The following RTN3 variants were observed in gnomAD, a reference collection of about 807,000 sequenced individuals.
The protein encoded by RTN3 is reticulon 3.
RTN3 carries 49 observed loss-of-function variants against 77.8 expected under a neutral mutation model. That is an observed-to-expected ratio of 0.63 (90% confidence interval 0.50 to 0.80). RTN3 has a LOEUF of 0.80. Among genes scored for constraint, RTN3 ranks in the 30% least tolerant of loss-of-function variants. RTN3 has a pLI of 0.00. For missense variants in RTN3, 1,236 were observed against 1,211.9 expected (o/e 1.02, Z -0.29); for synonymous variants, 464 against 446.9 (o/e 1.04, Z -0.48).
At chr11:63,728,780 A>G (rs1434473405) in intron 3 of RTN3, among the ~76,000 whole-genome samples, 1 of 151,724 alleles carries the variant, frequency 6.6e-6, no homozygotes, top group Non-Finnish European at 1.5e-5. Context: ...CCAGCTACCC[A>G]GGAGGCTGAG....
At chr11:63,695,037 A>C (rs187542948) in intron 1 of RTN3, among the ~76,000 whole-genome samples, 45 of 152,332 alleles carry the variant, frequency 3.0e-4, no homozygotes, top group Admixed American at 2.5e-3. Flanking sequence ...TACTCAGTCT[A>C]GTTTTGAAAT....
In RTN3 at chr11:63,719,957, C is replaced by T; in HGVS notation, c.1455C>T (p.Ser485=). Residue 485 remains serine, a synonymous_variant, in exon 3 of 9, where the codon AGC becomes AGT. Transcript: ENST00000377819. ...DHLKDEMDWQ[S]SALGEITEAD... ...TGAAAGATGAAATGGACTGGCAGAG[C>T]TCTGCATTGGGAGAAATCACAGAAG... 1 of 1,614,150 alleles carries T rather than the reference C, an allele frequency of 6.2e-7. No individual in the cohort carries two copies.
At position 63,719,626 on chromosome 11, in the gene RTN3, C is replaced by T. The variant is rs1187448149; in HGVS notation, c.1124C>T (p.Pro375Leu). 1.2e-6 allele frequency: 2 copies of T among 1,613,580 alleles called. No individual in the cohort carries two copies. The highest frequency in any genetic ancestry group is 1.7e-6 in the Non-Finnish European group (2 of 1,179,916). ...ATGAGTGAATATAATTCAGAAATTCCAGTTGTAAATCTTAAAACTAGCACT... is the reference window on the plus strand; with the variant it reads ...ATGAGTGAATATAATTCAGAAATTCTAGTTGTAAATCTTAAAACTAGCACT... ...LDMSEYNSEI[P>L]VVNLKTSTHQ... Residue 375 changes from proline (P) to leucine (L), a missense_variant, in exon 3 of 9, where the codon CCA becomes CTA. Transcript: ENST00000377819.
At position 63,681,530 on chromosome 11, in the gene RTN3, G is replaced by A. The variant is rs1370978496; in HGVS notation, c.-107G>A. The A allele has an allele frequency of 3.4e-6, 4 of 1,169,810 alleles. No homozygotes were observed. Among genetic ancestry groups the A allele is most frequent in the East Asian group, 2.7e-5 (1 of 36,528 alleles). The allele number at this position is 1,169,810 out of a possible 1,614,324, so 72.5% of individuals were successfully genotyped here. A position where few individuals can be genotyped will look rare whatever the true frequency, so the allele number is the denominator to read the frequency against. On this transcript the variant is annotated 5_prime_UTR_variant, in exon 1 of 9. Coordinates refer to ENST00000377819, the MANE Select transcript of RTN3 (RefSeq NM_001265589.2). ...GTCGGAGTCTGTCCTCGGAGCAGGC[G>A]GAGTAAAGGGACTTGAGCGAGCCAG...
intron 1 of RTN3, among the ~76,000 whole-genome samples, 180 bp downstream of exon 1, chr11:63,681,958 G>C (rs1463905475): frequency 6.6e-6 from 1 of 152,298 alleles, no homozygotes; most frequent in African/African-American, 2.4e-5. Flanking sequence ...AGGTTGTGCA[G>C]GCGGTGAGGA....
At chr11:63,755,420 T>C (rs1590897118) in intron 7 of RTN3, among the ~76,000 whole-genome samples, 1 of 151,158 alleles carries the variant, frequency 6.6e-6, no homozygotes, top group African/African-American at 2.4e-5. Context: ...CGGAGGCAGG[T>C]GGATTGCCTG....
At chr11:63,716,320 A>G (rs1030436463) in intron 2 of RTN3, among the ~76,000 whole-genome samples, 1 of 152,204 alleles carries the variant, frequency 6.6e-6, no homozygotes, top group Admixed American at 6.5e-5. Context: ...TGGTATTTGG[A>G]TGTTTACATG....
At chr11:63,743,749 T>C (rs914859989) in intron 3 of RTN3, among the ~76,000 whole-genome samples, 9 of 151,956 alleles carry the variant, frequency 5.9e-5, no homozygotes, top group African/African-American at 2.2e-4. Context: ...ACCCTGTCTC[T>C]ACTAAAGATA....
chr11:63,701,410 G>C (rs1355767221), intron 1 of RTN3, among the ~76,000 whole-genome samples: 1 of 151,990 alleles, frequency 6.6e-6, no homozygotes, highest in East Asian at 1.9e-4. Context: ...AATTTAATCA[G>C]CTAAAAAGTC....
At chr11:63,722,406 T>C (rs553475444) in intron 3 of RTN3, among the ~76,000 whole-genome samples, 44 of 152,302 alleles carry the variant, frequency 2.9e-4, no homozygotes, top group African/African-American at 1.1e-3. Flanking sequence ...ATATTTAAAA[T>C]AGATAAATTG....
chr11:63,734,224 GT>G (rs1433148046), intron 3 of RTN3, among the ~76,000 whole-genome samples: 2 of 152,124 alleles, frequency 1.3e-5, no homozygotes, highest in African/African-American at 4.8e-5. Context: ...GAGGTGGGCA[GT>G]TCATTTGAGG....
At chr11:63,682,776 G>T (rs1370692375) in intron 1 of RTN3, among the ~76,000 whole-genome samples, 1 of 152,088 alleles carries the variant, frequency 6.6e-6, no homozygotes, top group African/African-American at 2.4e-5. Flanking sequence ...TCTGCCTGCT[G>T]GTAAGAGCTG....
At chr11:63,736,516 A>G (rs2013131210) in intron 3 of RTN3, among the ~76,000 whole-genome samples, 1 of 152,056 alleles carries the variant, frequency 6.6e-6, no homozygotes, top group Non-Finnish European at 1.5e-5. Context: ...GTGAAACCCC[A>G]TCTCTACTAA....
At chr11:63,698,343 C>T (rs984286622) in intron 1 of RTN3, among the ~76,000 whole-genome samples, 1 of 152,090 alleles carries the variant, frequency 6.6e-6, no homozygotes, top group Non-Finnish European at 1.5e-5. Flanking sequence ...CCAGGCTGGT[C>T]TCAAACTGCT....
At chr11:63,702,977 G>A (rs1942318793) in intron 1 of RTN3, among the ~76,000 whole-genome samples, 1 of 152,128 alleles carries the variant, frequency 6.6e-6, no homozygotes, top group African/African-American at 2.4e-5. Context: ...GAGCCACTGC[G>A]CCTGGCCTGC....
intron 1 of RTN3, among the ~76,000 whole-genome samples, chr11:63,699,691 T>C (rs1942140760): frequency 6.6e-6 from 1 of 152,226 alleles, no homozygotes; most frequent in African/African-American, 2.4e-5. Flanking sequence ...GCCTTTCCCT[T>C]CCTTGTTCAC....
chr11:63,732,615 C>A (rs2012775264), intron 3 of RTN3, among the ~76,000 whole-genome samples: 1 of 151,990 alleles, frequency 6.6e-6, no homozygotes, highest in African/African-American at 2.4e-5. Flanking sequence ...ACAGATTTAT[C>A]AACTTAGAGA....
At chr11:63,689,850 C>T (rs1022883750) in intron 1 of RTN3, among the ~76,000 whole-genome samples, 2 of 151,932 alleles carry the variant, frequency 1.3e-5, no homozygotes, top group African/African-American at 4.8e-5. Context: ...CTCCGCCCCC[C>T]GGGTTCAAGC....
chr11:63,744,425 G>T (rs1018343721), intron 3 of RTN3, among the ~76,000 whole-genome samples: 1 of 151,870 alleles, frequency 6.6e-6, no homozygotes, highest in African/African-American at 2.4e-5. Context: ...AACCTAGAAG[G>T]TATACTACTA....
Sources: allele counts gnomAD v4.1 joint callset (sites outside exome capture counted in the v4.1 genomes callset), GRCh38; gene constraint gnomAD v4.1.1; transcripts MANE v1.5; gene names NCBI Gene and HGNC (gene_info 2026-07-23, HGNC 2026-07-21).